Variants in FHOD3 observed in about 807,000 individuals in gnomAD.
FHOD3 encodes the protein formin homology 2 domain containing 3, also known as FH1/FH2 domain-containing protein 3.
Under a neutral mutation model 173.0 loss-of-function variants are expected in FHOD3, and 90 were observed. The observed-to-expected ratio is 0.52, with a 90% CI of 0.44 to 0.62. The LOEUF (loss-of-function observed/expected upper bound fraction) is 0.62, where lower values mean the gene tolerates loss of function less well. Ranked by LOEUF, FHOD3 falls within the 20% of genes least tolerant of loss-of-function variation. The pLI is 0.00. For missense variants in FHOD3, 1,945 were observed against 2,034.7 expected, an observed-to-expected ratio of 0.96 and a Z score of 0.85; for synonymous variants, 828 against 823.0, an observed-to-expected ratio of 1.01 and a Z score of -0.10.
intron 3 of FHOD3, among the ~76,000 whole-genome samples, chr18:36,397,879 G>T (rs1190736131): frequency 6.6e-6 from 1 of 152,190 alleles, no homozygotes; most frequent in Non-Finnish European, 1.5e-5. Flanking sequence ...AGGAGGGAGG[G>T]TTGATGAAGG....
At position 36,351,927 on chromosome 18, in the gene FHOD3, G is replaced by C. The variant is rs903086397; in HGVS notation, c.166-3612G>C. Among the ~76,000 whole-genome samples the C allele has an allele frequency of 2.0e-5, 3 of 152,330 alleles. No homozygotes were observed. In the East Asian group the frequency reaches 5.8e-4, roughly 29 times the overall value. On this transcript the variant is annotated intron_variant, in intron 1 of 28. Transcript: ENST00000590592. ...CAGTCTAAGAAGAGCACAGGGCTTA[G>C]GCAGGGCTGGTGGAGACTGATAAGC...
At chr18:36,663,283 C>T (rs1416649091) in intron 14 of FHOD3, among the ~76,000 whole-genome samples, 11 of 152,170 alleles carry the variant, frequency 7.2e-5, no homozygotes, top group Admixed American at 7.2e-4. Flanking sequence ...CCCTTTGTTT[C>T]CCTACCGTGT....
chr18:36,389,846 G>A (rs1001544288), intron 3 of FHOD3, among the ~76,000 whole-genome samples: 1 of 152,116 alleles, frequency 6.6e-6, no homozygotes, highest in Non-Finnish European at 1.5e-5. Flanking sequence ...AATGAGTAGG[G>A]CAGGCTCAGC....
At chr18:36,622,411 G>A (rs1448281440) in intron 9 of FHOD3, among the ~76,000 whole-genome samples, 1 of 152,206 alleles carries the variant, frequency 6.6e-6, no homozygotes, top group Non-Finnish European at 1.5e-5. Context: ...AAGACTGGTA[G>A]AAGTGGTTAC....
intron 5 of FHOD3, among the ~76,000 whole-genome samples, chr18:36,532,255 T>A (rs2056815122): frequency 6.6e-6 from 1 of 152,316 alleles, no homozygotes; most frequent in Middle Eastern, 3.4e-3. Flanking sequence ...CAGTGAGTGT[T>A]CGGGGAACAC....
intron 3 of FHOD3, among the ~76,000 whole-genome samples, chr18:36,468,654 G>C (rs1355401095): frequency 1.3e-5 from 2 of 152,162 alleles, no homozygotes; most frequent in Non-Finnish European, 2.9e-5. Flanking sequence ...TAGTACTTTA[G>C]AGGGGGAGGA....
At chr18:36,553,373 G>A (rs1456981678) in intron 5 of FHOD3, among the ~76,000 whole-genome samples, 1 of 152,144 alleles carries the variant, frequency 6.6e-6, no homozygotes, top group Non-Finnish European at 1.5e-5. Context: ...TCTGTTGATT[G>A]GAATAGTTTC....
chr18:36,761,145 G>A (rs546368210), intron 27 of FHOD3, among the ~76,000 whole-genome samples: 11 of 152,266 alleles, frequency 7.2e-5, no homozygotes, highest in African/African-American at 2.6e-4. Context: ...TGTAGTGTCT[G>A]TGGCTACTTT....
chr18:36,721,884 CAAAG>C (rs1346772170), intron 19 of FHOD3, among the ~76,000 whole-genome samples: 6 of 151,912 alleles, frequency 3.9e-5, no homozygotes, highest in Non-Finnish European at 7.4e-5. Flanking sequence ...CAGCACAAAA[CAAAG>C]AGAATTGGTT....
chr18:36,297,978 G>C lies in FHOD3; in HGVS notation c.143G>C (p.Arg48Thr). 3 of 1,555,710 alleles carry C rather than the reference G, an allele frequency of 1.9e-6. No individual in the cohort carries two copies. Among genetic ancestry groups the C allele is most frequent in the Non-Finnish European group, 2.6e-6 (3 of 1,152,970 alleles). Reference sequence around the variant, plus strand: ...GGCACCCAGCTGGCGGGGGTCCATAGGCTGCTGCAGGCGCCGCACAAGGTA... The same window carrying C: ...GGCACCCAGCTGGCGGGGGTCCATACGCTGCTGCAGGCGCCGCACAAGGTA... ...ALGTQLAGVHRLLQAPHKLDD... is the reference protein window; with the variant it reads ...ALGTQLAGVHTLLQAPHKLDD... Residue 48 changes from arginine to threonine, a missense_variant, in exon 1 of 29, where the codon AGG becomes ACG. This residue lies in a region of FHOD3 where 245 missense variants were observed against 267.7 expected (regional missense o/e 0.92). Coordinates refer to ENST00000590592, the MANE Select transcript of FHOD3 (RefSeq NM_001281740.3).
chr18:36,403,060 G>A (rs2048899873), intron 3 of FHOD3, among the ~76,000 whole-genome samples: 1 of 152,140 alleles, frequency 6.6e-6, no homozygotes, highest in Non-Finnish European at 1.5e-5. Flanking sequence ...GGGCCATGAG[G>A]GTGCAGGGTG....
At chr18:36,453,482 C>T (rs2051984167) in intron 3 of FHOD3, among the ~76,000 whole-genome samples, 1 of 152,258 alleles carries the variant, frequency 6.6e-6, no homozygotes, top group African/African-American at 2.4e-5. Flanking sequence ...ATGGCTTTTA[C>T]AGTGGGCGTA....
At chr18:36,318,737 T>C (rs2044253223) in intron 1 of FHOD3, among the ~76,000 whole-genome samples, 1 of 152,220 alleles carries the variant, frequency 6.6e-6, no homozygotes, top group Admixed American at 6.5e-5. Context: ...CTGATTGCCC[T>C]GGCCAGAACT....
chr18:36,543,108 C>T (rs2057287804), intron 5 of FHOD3, among the ~76,000 whole-genome samples: 2 of 152,152 alleles, frequency 1.3e-5, no homozygotes, highest in South Asian at 2.1e-4. Context: ...CCTTCCTGAG[C>T]GTCCAGCCTG....
chr18:36,465,826 G>GT (rs1194560464), intron 3 of FHOD3, among the ~76,000 whole-genome samples: 1 of 152,088 alleles, frequency 6.6e-6, no homozygotes, highest in African/African-American at 2.4e-5. Flanking sequence ...GAGAGAGGTG[G>GT]TTTTTCCTTC....
intron 5 of FHOD3, among the ~76,000 whole-genome samples, chr18:36,518,670 A>T (rs2056117764): frequency 1.3e-5 from 2 of 152,218 alleles, no homozygotes; most frequent in Non-Finnish European, 2.9e-5. Context: ...TTTGGCATAA[A>T]AATACAGCTT....
intron 3 of FHOD3, among the ~76,000 whole-genome samples, chr18:36,410,282 T>C (rs1417773340): frequency 3.9e-5 from 6 of 152,246 alleles, no homozygotes; most frequent in Non-Finnish European, 7.3e-5. Flanking sequence ...TGTGTCTGGC[T>C]TCGTTCACTT....
intron 11 of FHOD3, among the ~76,000 whole-genome samples, chr18:36,651,736 C>CA (rs1401472187): frequency 7.1e-6 from 1 of 141,772 alleles, no homozygotes; most frequent in Admixed American, 7.2e-5. Flanking sequence ...AAACTCTGTT[C>CA]AAAAAACTCT....
chr18:36,650,740 A>G (rs557470897), intron 11 of FHOD3, among the ~76,000 whole-genome samples: 1 of 152,342 alleles, frequency 6.6e-6, no homozygotes, highest in East Asian at 1.9e-4. Context: ...ACCCTCAGGT[A>G]TGCACATGCT....
Sources: gnomAD v4.1 joint callset for allele counts (sites outside exome capture counted in the v4.1 genomes callset) on GRCh38, gnomAD v4.1.1 for gene constraint, gnomAD v4.1.1 regional missense constraint, MANE v1.5 for transcripts, NCBI Gene and HGNC (gene_info 2026-07-23, HGNC 2026-07-21) for gene names.